The following LEF1 variants were observed in gnomAD, a reference collection of about 807,000 sequenced individuals.
The protein encoded by LEF1 is lymphoid enhancer-binding factor 1.
In LEF1, 14 loss-of-function variants were observed where a neutral mutation model predicts 51.2. The observed-to-expected ratio is 0.27, with a 90% confidence interval of 0.18 to 0.43. The LOEUF (loss-of-function observed/expected upper bound fraction) is 0.43, where lower values mean the gene tolerates loss of function less well. Among genes scored for constraint, LEF1 ranks in the 20% least tolerant of loss-of-function variants. The pLI, the probability that LEF1 is intolerant of heterozygous loss-of-function variation, is 1.00. For synonymous variants in LEF1, 185 were observed against 183.2 expected (o/e 1.01, Z -0.08); for missense variants, 386 against 512.0 (o/e 0.75, Z 2.37).
At chr4:108,101,672 G>C (rs1375871030) in intron 3 of LEF1, among the ~76,000 whole-genome samples, 1 of 152,158 alleles carries the variant, frequency 6.6e-6, no homozygotes, top group Non-Finnish European at 1.5e-5. Context: ...AAATGATAAA[G>C]TGTGAGCACT....
chr4:108,112,858 A>T (rs1741614355), intron 3 of LEF1, among the ~76,000 whole-genome samples: 1 of 152,230 alleles, frequency 6.6e-6, no homozygotes, highest in African/African-American at 2.4e-5. Flanking sequence ...CAGAAAAGGC[A>T]GAGTCAAACC....
intron 7 of LEF1, among the ~76,000 whole-genome samples, chr4:108,079,271 A>G (rs1739123134): frequency 6.6e-6 from 1 of 152,190 alleles, no homozygotes; most frequent in Non-Finnish European, 1.5e-5. Flanking sequence ...TGAGGTTCCC[A>G]TGATCTTTTA....
intron 8 of LEF1, 172 bp from the exon 9 acceptor site, chr4:108,070,942 C>A: frequency 3.6e-6 from 2 of 554,908 alleles, no homozygotes; most frequent in Non-Finnish European, 6.4e-6. Context: ...AGTCTAGTGG[C>A]TACAGTGAAA....
intron 8 of LEF1, 46 bp from the exon 9 acceptor site, chr4:108,070,816 G>T: frequency 8.1e-7 from 1 of 1,233,340 alleles, no homozygotes; most frequent in Non-Finnish European, 1.2e-6. Flanking sequence ...AAGCAAAATA[G>T]CAATAGCATA....
chr4:108,107,170 C>T (rs1255237222), intron 3 of LEF1, among the ~76,000 whole-genome samples: 2 of 152,014 alleles, frequency 1.3e-5, no homozygotes, highest in East Asian at 1.9e-4. Flanking sequence ...TTATTCTGCA[C>T]GAATATATGG....
chr4:108,079,035 G>C (rs1349457313), intron 7 of LEF1, among the ~76,000 whole-genome samples: 1 of 152,160 alleles, frequency 6.6e-6, no homozygotes, highest in Non-Finnish European at 1.5e-5. Context: ...GCCCAACAGG[G>C]AATCCTGGGC....
At chr4:108,051,631 G>T (rs57835721) in intron 11 of LEF1, among the ~76,000 whole-genome samples, 3,776 of 152,242 alleles carry the variant, frequency 0.025, 166 homozygotes, top group African/African-American at 0.085. Flanking sequence ...GTGAGGCAAG[G>T]CCCATCTTAC....
chr4:108,102,621 A>AG (rs1293135855), intron 3 of LEF1, among the ~76,000 whole-genome samples: 1 of 152,234 alleles, frequency 6.6e-6, no homozygotes, highest in Non-Finnish European at 1.5e-5. Context: ...CAGCTGATAC[A>AG]GGGACATGAT....
rs1435392725 is a variant in LEF1, at chr4:108,167,454, A to G, written c.213+101T>C. The G allele has an allele frequency of 8.8e-7, 1 of 1,142,184 alleles. No homozygotes were observed. Among genetic ancestry groups the G allele is most frequent in the Non-Finnish European group, 1.3e-6 (1 of 778,194 alleles). The allele number at this position is 1,142,184 out of a possible 1,614,324, so 70.8% of individuals were successfully genotyped here. On this transcript the variant is annotated intron_variant, in intron 1 of 11. Transcript: ENST00000265165. The surrounding 1 kb of genome is among the most constrained non-coding windows in gnomAD (Gnocchi z 5.7). ...AAAACAAACGAGGGATCTACTCGGG[A>G]CCCTCAGCCGGGCGGCCGGGCGCCT...
intron 3 of LEF1, among the ~76,000 whole-genome samples, chr4:108,115,139 ACTAT>A (rs1193292424): frequency 6.6e-6 from 1 of 152,224 alleles, no homozygotes; most frequent in Non-Finnish European, 1.5e-5. Flanking sequence ...GCACACCTAT[ACTAT>A]CTGTTAGGGA....
chr4:108,134,425 C>T (rs1743117121), intron 3 of LEF1, among the ~76,000 whole-genome samples: 1 of 152,190 alleles, frequency 6.6e-6, no homozygotes, highest in African/African-American at 2.4e-5. Flanking sequence ...GGCTCTACTG[C>T]TCATCCAGAG....
At chr4:108,076,921 G>T (rs1019915882) in intron 8 of LEF1, among the ~76,000 whole-genome samples, 6 of 150,450 alleles carry the variant, frequency 4.0e-5, no homozygotes, top group Non-Finnish European at 8.8e-5. Context: ...CAGCTCCTCA[G>T]GAAGCGGAGG....
chr4:108,155,420 C>T (rs1744627232), intron 3 of LEF1, among the ~76,000 whole-genome samples: 1 of 152,132 alleles, frequency 6.6e-6, no homozygotes, highest in Admixed American at 6.6e-5. Flanking sequence ...GATGACATTC[C>T]CCTGAATTTT....
chr4:108,047,746 A>T lies in LEF1; in HGVS notation c.*1012T>A, dbSNP rs1736711589. 6.6e-6 allele frequency: 1 copy of T among 152,664 alleles called. No individual in the cohort carries two copies. The highest frequency in any genetic ancestry group is 2.4e-5 in the African/African-American group (1 of 41,458). 9.5% of individuals were successfully genotyped at this position (152,664 alleles called of 1,614,324 possible). A position where few individuals can be genotyped will look rare whatever the true frequency, so the allele number is the denominator to read the frequency against. The stretch of plus-strand genomic sequence containing the variant: ...CTAATTGGCTAATAAAAACAGATAC[A>T]AATACAGAACATTTAAAGTAATAAC... On this transcript the variant is annotated 3_prime_UTR_variant, in exon 12 of 12. Transcript: ENST00000265165.
chr4:108,167,673 G>A lies in LEF1; in HGVS notation c.95C>T (p.Pro32Leu). 6.2e-7 allele frequency: 1 copy of A among 1,614,204 alleles called. No homozygotes were observed. Among genetic ancestry groups the A allele is most frequent in the South Asian group, 1.1e-5 (1 of 91,090 alleles). Reference protein sequence around the residue: ...EMIPFKDEGDPQKEKIFAEIS... With the variant: ...EMIPFKDEGDLQKEKIFAEIS... ...CTCGGCGAAGATCTTTTCCTTCTGA[G>A]GATCGCCCTCGTCCTTGAAGGGGAT... Residue 32 changes from proline to leucine, a missense_variant, in exon 1 of 12, where the codon CCT (proline) becomes CTT (leucine). Pro to Leu is a moderately conservative substitution (Grantham distance 98). Transcript: ENST00000265165. This position sits in a 1 kb window ranked among gnomAD's most constrained non-coding sequence, Gnocchi z 5.7.
chr4:108,128,206 G>A (rs150396529), intron 3 of LEF1, among the ~76,000 whole-genome samples: 1 of 152,186 alleles, frequency 6.6e-6, no homozygotes, highest in Non-Finnish European at 1.5e-5. Context: ...CACCTATTTG[G>A]GAGGGAGCAG....
intron 3 of LEF1, among the ~76,000 whole-genome samples, chr4:108,160,111 C>A (rs1022071228): frequency 1.3e-5 from 2 of 152,088 alleles, no homozygotes; most frequent in Admixed American, 6.6e-5. Flanking sequence ...GGGTTGCATG[C>A]GGGACAAATG....
intron 3 of LEF1, among the ~76,000 whole-genome samples, chr4:108,147,872 T>C (rs1744096436): frequency 6.6e-6 from 1 of 152,238 alleles, no homozygotes. Flanking sequence ...TGGCTAATCC[T>C]GGATTTGGGC....
chr4:108,066,503 A>G (rs1221081380), intron 9 of LEF1, among the ~76,000 whole-genome samples: 1 of 152,136 alleles, frequency 6.6e-6, no homozygotes, highest in Non-Finnish European at 1.5e-5. Flanking sequence ...CTGTCCCCAG[A>G]GCACCACCTG....
Sources: allele counts gnomAD v4.1 joint callset (sites outside exome capture counted in the v4.1 genomes callset), GRCh38; gene constraint gnomAD v4.1.1; non-coding constraint Gnocchi (gnomAD v3.1); transcripts MANE v1.5; gene names NCBI Gene and HGNC (gene_info 2026-07-23, HGNC 2026-07-21).